CEP350: variants seen among roughly 807,000 people sequenced by gnomAD.
CEP350 encodes centrosome-associated protein 350.
In CEP350, 126 loss-of-function variants were observed where a neutral mutation model predicts 331.8. That is an observed-to-expected ratio of 0.38 (90% CI 0.33 to 0.44). The LOEUF is 0.44. Among genes scored for constraint, CEP350 ranks in the 20% least tolerant of loss-of-function variants. CEP350 has a pLI of 1.00. For missense variants in CEP350, 3,406 were observed against 3,634.6 expected (o/e 0.94, Z 1.62); for synonymous variants, 1,200 against 1,259.5 (o/e 0.95, Z 1.00).
chr1:180,103,015 A>G (rs1660915281), intron 37 of CEP350, among the ~76,000 whole-genome samples: 1 of 152,226 alleles, frequency 6.6e-6, no homozygotes, highest in Admixed American at 6.5e-5. Context: ...CTTTTATGAA[A>G]GAGAGGTGTT....
At chr1:180,040,188 G>A (rs915025952) in intron 17 of CEP350, among the ~76,000 whole-genome samples, 1 of 151,984 alleles carries the variant, frequency 6.6e-6, no homozygotes, top group Admixed American at 6.6e-5. Flanking sequence ...CAGTCATTGT[G>A]ACAGCAGAAA....
chr1:180,089,161 A>G (rs1200903281), intron 32 of CEP350, among the ~76,000 whole-genome samples: 1 of 152,254 alleles, frequency 6.6e-6, no homozygotes, highest in Non-Finnish European at 1.5e-5. Context: ...CTTTCTGACC[A>G]CAATACAGAG....
chr1:179,955,212 C>G, intron 1 of CEP350, 70 bp downstream of exon 1: 1 of 1,200,122 alleles, frequency 8.3e-7, no homozygotes. Flanking sequence ...GTCCGCGGTC[C>G]CGGGTCCCCG....
rs975729407 is a variant in CEP350 at position 180,111,432 on chromosome 1, C to G, written c.*271C>G. 1 of 269,206 alleles carries G rather than the reference C, an allele frequency of 3.7e-6. No individual in the cohort carries two copies. The highest frequency in any genetic ancestry group is 7.0e-6 in the Non-Finnish European group (1 of 143,032). 16.7% of individuals were successfully genotyped at this position (269,206 alleles called of 1,614,324 possible). A position where few individuals can be genotyped will look rare whatever the true frequency, so the allele number is the denominator to read the frequency against. On this transcript the variant is annotated 3_prime_UTR_variant, in exon 38 of 38. Transcript: ENST00000367607. ...CTTTTGCTAACACCCCTACTAGGTC[C>G]CAGAGGGCCAGAAACACCTGACTTA... is the stretch of plus-strand genomic sequence containing the variant.
intron 27 of CEP350, among the ~76,000 whole-genome samples, chr1:180,071,475 A>AG (rs2149046799): frequency 6.6e-6 from 1 of 151,068 alleles, no homozygotes; most frequent in East Asian, 2.0e-4. Context: ...AAAAAAAAAA[A>AG]AAATTTAAAA....
chr1:180,071,800 T>A (rs1171440082), intron 27 of CEP350, among the ~76,000 whole-genome samples: 1 of 152,038 alleles, frequency 6.6e-6, no homozygotes, highest in East Asian at 1.9e-4. Context: ...AAGAGCGAAT[T>A]AAGTACTCAT....
chr1:180,065,154 A>G lies in CEP350; in HGVS notation c.5449A>G (p.Thr1817Ala). Residue 1817 changes from threonine (T) to alanine (A), a missense_variant, in exon 27 of 38, where the codon ACC becomes GCC. Physicochemically the swap from Thr to Ala is moderately conservative, Grantham distance 58. Around this residue, in one of 5 missense-constraint regions of CEP350, gnomAD observed 1,415 missense variants for 1,512.3 expected, o/e 0.94. Transcript: ENST00000367607. Reference protein sequence around the residue: ...SDDDTKDNKATSPGPTDLETR... With the variant: ...SDDDTKDNKAASPGPTDLETR... ...TGATGATACAAAGGATAATAAGGCA[A>G]CCAGTCCTGGTCCAACTGACTTGGA... 1 of 1,612,494 alleles carries G rather than the reference A, an allele frequency of 6.2e-7. No homozygotes were observed. Among genetic ancestry groups the G allele is most frequent in the East Asian group, 2.2e-5 (1 of 44,816 alleles).
At chr1:180,003,343 T>C in intron 7 of CEP350, 56 bp downstream of exon 7, 1 of 1,095,116 alleles carries the variant, frequency 9.1e-7, no homozygotes, top group Non-Finnish European at 1.3e-6. Flanking sequence ...CTATCTAATT[T>C]ATAATATTTA....
chr1:180,009,950 T>C (rs1479175872), intron 8 of CEP350, among the ~76,000 whole-genome samples: 2 of 152,120 alleles, frequency 1.3e-5, no homozygotes, highest in African/African-American at 2.4e-5. Flanking sequence ...TCTTTTATTA[T>C]AAATACAATA....
chr1:179,994,746 A>G (rs1250367883), intron 5 of CEP350, among the ~76,000 whole-genome samples: 1 of 151,796 alleles, frequency 6.6e-6, no homozygotes, highest in East Asian at 1.9e-4. Flanking sequence ...GAGCCACCAC[A>G]CCTGGCGATC....
chr1:180,096,018 T>C lies in CEP350; in HGVS notation c.8920-20T>C. ...TTCTTAGCCATTTTGTTTTGTTTTG[T>C]TTTGTTTTTCTCTATCAAGGCGGTT... On this transcript the variant is annotated intron_variant, in intron 35 of 37. Coordinates refer to ENST00000367607, the MANE Select transcript of CEP350 (RefSeq NM_014810.5). The C allele has an allele frequency of 6.5e-7, 1 of 1,546,768 alleles. No homozygotes were observed. The highest frequency in any genetic ancestry group is 2.4e-5 in the East Asian group (1 of 41,464).
intron 37 of CEP350, among the ~76,000 whole-genome samples, chr1:180,110,347 A>T (rs1251686125): frequency 6.6e-6 from 1 of 152,178 alleles, no homozygotes; most frequent in Non-Finnish European, 1.5e-5. Context: ...TTGAATTTTG[A>T]TCTTTTCCTG....
Position 180,043,211 on chromosome 1 carries a change from A to G in CEP350, c.4499+19A>G. ...CAGATAGGTTAATATTCATTCAGTCAGCAAATATATAATGACTGTCTGTTA... is the reference window on the plus strand; with the variant it reads ...CAGATAGGTTAATATTCATTCAGTCGGCAAATATATAATGACTGTCTGTTA... On this transcript the variant is annotated intron_variant, in intron 20 of 37. Coordinates refer to ENST00000367607, the MANE Select transcript of CEP350 (RefSeq NM_014810.5). 1 of 1,597,620 alleles carries G rather than the reference A, an allele frequency of 6.3e-7. No homozygotes were observed. Among genetic ancestry groups the G allele is most frequent in the Non-Finnish European group, 8.5e-7 (1 of 1,172,184 alleles).
chr1:180,048,532 A>C lies in CEP350; in HGVS notation c.4623-4A>C, dbSNP rs767057794. ...TGTTGTTGTTTCCATGTATCCATAA[A>C]AAGAAGTAGCAGTGGTAGCAGCCGC... On this transcript the variant is annotated splice_polypyrimidine_tract_variant and splice_region_variant and intron_variant, in intron 21 of 37. Coordinates refer to ENST00000367607, the MANE Select transcript of CEP350 (RefSeq NM_014810.5). 6.3e-7 allele frequency: 1 copy of C among 1,584,720 alleles called. No homozygotes were observed. Among genetic ancestry groups the C allele is most frequent in the East Asian group, 2.2e-5 (1 of 44,704 alleles).
intron 22 of CEP350, among the ~76,000 whole-genome samples, chr1:180,050,645 G>A (rs187636204): frequency 3.3e-4 from 47 of 140,476 alleles, no homozygotes; most frequent in Middle Eastern, 4.0e-3. Context: ...CCTGGGCAAC[G>A]AGAGTGAGAT....
intron 31 of CEP350, among the ~76,000 whole-genome samples, chr1:180,086,160 G>T (rs1381409180): frequency 6.6e-6 from 1 of 152,176 alleles, no homozygotes; most frequent in Non-Finnish European, 1.5e-5. Flanking sequence ...ATGGAATAGG[G>T]ATTGTAACTT....
chr1:179,971,927 C>T (rs1651482634), intron 1 of CEP350, among the ~76,000 whole-genome samples: 2 of 151,184 alleles, frequency 1.3e-5, no homozygotes, highest in Admixed American at 6.6e-5. Context: ...CCTCAAAGAT[C>T]CCTGAACCAT....
intron 25 of CEP350, among the ~76,000 whole-genome samples, chr1:180,055,283 T>C (rs1657747217): frequency 6.6e-6 from 1 of 152,184 alleles, no homozygotes; most frequent in South Asian, 2.1e-4. Flanking sequence ...TTTCCTCATC[T>C]GTAGGAGTGG....
At chr1:180,010,206 A>G (rs1270912586) in intron 8 of CEP350, among the ~76,000 whole-genome samples, 1 of 152,126 alleles carries the variant, frequency 6.6e-6, no homozygotes. Context: ...GCCACACAAT[A>G]TTCTAGTAGA....
Sources: gnomAD v4.1 joint callset for allele counts (sites outside exome capture counted in the v4.1 genomes callset) on GRCh38, gnomAD v4.1.1 for gene constraint, gnomAD v4.1.1 regional missense constraint, MANE v1.5 for transcripts, NCBI Gene and HGNC (gene_info 2026-07-23, HGNC 2026-07-21) for gene names.